ADCY2: variants seen among roughly 807,000 people sequenced by gnomAD.
The protein encoded by ADCY2 is adenylate cyclase type 2.
A neutral mutation model predicts 125.2 loss-of-function variants in ADCY2; 31 were observed. That is an observed-to-expected ratio of 0.25 (90% CI 0.19 to 0.33). The LOEUF (loss-of-function observed/expected upper bound fraction) is 0.33, where lower values mean the gene tolerates loss of function less well. Ranked by LOEUF, ADCY2 falls within the 10% of genes least tolerant of loss-of-function variation. ADCY2 has a pLI of 1.00. For synonymous variants in ADCY2, 512 were observed against 548.4 expected, an observed-to-expected ratio of 0.93 and a Z score of 0.93; for missense variants, 904 against 1,418.2, an observed-to-expected ratio of 0.64 and a Z score of 5.82.
At position 7,466,104 on chromosome 5, in the gene ADCY2, G is replaced by C. The variant is rs939481002; in HGVS notation, c.408+51334G>C. 2.6e-5 allele frequency among the ~76,000 whole-genome samples: 4 copies of C among 152,152 alleles called. No individual in the cohort carries two copies. In the South Asian group the frequency reaches 8.3e-4, roughly 32 times the overall value. On this transcript the variant is annotated intron_variant, in intron 2 of 24. Coordinates refer to ENST00000338316, the MANE Select transcript of ADCY2 (RefSeq NM_020546.3). ...GCCAGTAATGATTAAAACATTTTAAGATGAAATTCTTTATTACTGCTGCTA... is the reference window on the plus strand; with the variant it reads ...GCCAGTAATGATTAAAACATTTTAACATGAAATTCTTTATTACTGCTGCTA...
chr5:7,797,227 T>G (rs1216518955), intron 20 of ADCY2: 1 of 152,224 alleles, frequency 6.6e-6, no homozygotes, highest in African/African-American at 2.4e-5. Context: ...TAACTGACAG[T>G]TGGGGACACC....
At chr5:7,615,660 A>G (rs1737730555) in intron 3 of ADCY2, among the ~76,000 whole-genome samples, 1 of 152,200 alleles carries the variant, frequency 6.6e-6, no homozygotes, top group African/African-American at 2.4e-5. Context: ...CAAGGCACCC[A>G]GGGGCACTCC....
chr5:7,458,361 G>A (rs1440087778), intron 2 of ADCY2, among the ~76,000 whole-genome samples: 1 of 152,116 alleles, frequency 6.6e-6, no homozygotes, highest in Non-Finnish European at 1.5e-5. Context: ...GTATAATGAG[G>A]AAGCAATATT....
chr5:7,491,060 A>T (rs546104909), intron 2 of ADCY2, among the ~76,000 whole-genome samples: 309 of 152,340 alleles, frequency 2.0e-3, no homozygotes, highest in Non-Finnish European at 3.6e-3. Context: ...TAGATTAATT[A>T]TGTTACATGG....
At chr5:7,750,401 A>G (rs1742771296) in intron 15 of ADCY2, among the ~76,000 whole-genome samples, 1 of 152,176 alleles carries the variant, frequency 6.6e-6, no homozygotes, top group African/African-American at 2.4e-5. Context: ...CTCATCTTCC[A>G]TACTAGCATG....
intron 3 of ADCY2, among the ~76,000 whole-genome samples, chr5:7,546,962 T>A (rs1330077769): frequency 6.6e-6 from 1 of 152,170 alleles, no homozygotes. Context: ...CATAAACAAC[T>A]TTACATCATT....
At chr5:7,400,945 A>G (rs1281134214) in intron 1 of ADCY2, among the ~76,000 whole-genome samples, 1 of 152,252 alleles carries the variant, frequency 6.6e-6, no homozygotes, top group East Asian at 1.9e-4. Flanking sequence ...ATTGAAATGT[A>G]TGATTAAATA....
chr5:7,599,931 A>G (rs1737146246), intron 3 of ADCY2, among the ~76,000 whole-genome samples: 1 of 152,208 alleles, frequency 6.6e-6, no homozygotes, highest in South Asian at 2.1e-4. Flanking sequence ...CATCGTGCAT[A>G]TAAAGGAATC....
chr5:7,551,241 G>C (rs1735330042), intron 3 of ADCY2, among the ~76,000 whole-genome samples: 1 of 151,972 alleles, frequency 6.6e-6, no homozygotes, highest in Admixed American at 6.6e-5. Flanking sequence ...TCTTATTTGG[G>C]GTTGGGAGAT....
chr5:7,508,777 G>A (rs779617402), intron 2 of ADCY2, among the ~76,000 whole-genome samples: 3 of 152,136 alleles, frequency 2.0e-5, no homozygotes, highest in Admixed American at 6.5e-5. Flanking sequence ...TTAGGAAACC[G>A]AGGAAAATGC....
intron 14 of ADCY2, among the ~76,000 whole-genome samples, chr5:7,733,562 G>A (rs954002650): frequency 6.6e-6 from 1 of 152,088 alleles, no homozygotes; most frequent in African/African-American, 2.4e-5. Context: ...TACACATCAG[G>A]TGCTGGAGTT....
At chr5:7,444,692 T>G (rs1279231841) in intron 2 of ADCY2, among the ~76,000 whole-genome samples, 1 of 152,200 alleles carries the variant, frequency 6.6e-6, no homozygotes, top group Non-Finnish European at 1.5e-5. Context: ...GAGCATGATA[T>G]TGCTGGCTAT....
intron 2 of ADCY2, among the ~76,000 whole-genome samples, chr5:7,481,678 A>T (rs1306922650): frequency 6.6e-6 from 1 of 152,096 alleles, no homozygotes; most frequent in Non-Finnish European, 1.5e-5. Context: ...TCTCCAATAG[A>T]GTTGTTTGTT....
At chr5:7,530,089 A>C (rs985099289) in intron 3 of ADCY2, among the ~76,000 whole-genome samples, 1 of 152,134 alleles carries the variant, frequency 6.6e-6, no homozygotes, top group Admixed American at 6.5e-5. Flanking sequence ...TCAGTTTTCC[A>C]ATCTGTAAAA....
intron 2 of ADCY2, among the ~76,000 whole-genome samples, chr5:7,476,010 G>T (rs1742512176): frequency 6.6e-6 from 1 of 152,100 alleles, no homozygotes; most frequent in African/African-American, 2.4e-5. Context: ...CAACCCGTTG[G>T]TATTAATAAT....
At chr5:7,436,719 A>C (rs1301407502) in intron 2 of ADCY2, among the ~76,000 whole-genome samples, 1 of 152,252 alleles carries the variant, frequency 6.6e-6, no homozygotes, top group Non-Finnish European at 1.5e-5. Flanking sequence ...GTGACGCATC[A>C]TCGCGGCACT....
At chr5:7,529,044 C>T (rs1734559073) in intron 3 of ADCY2, among the ~76,000 whole-genome samples, 1 of 152,184 alleles carries the variant, frequency 6.6e-6, no homozygotes, top group Non-Finnish European at 1.5e-5. Context: ...TGTAGCTTGA[C>T]TTCAACAAGA....
rs1441497982 is a variant in ADCY2, at chr5:7,827,082, A to G, written c.*211A>G. 10 of 552,766 alleles carry G rather than the reference A, an allele frequency of 1.8e-5. No individual in the cohort carries two copies. Among genetic ancestry groups the G allele is most frequent in the Non-Finnish European group, 3.1e-5 (10 of 327,220 alleles). 34.2% of individuals were successfully genotyped at this position (552,766 alleles called of 1,614,324 possible). A position where few individuals can be genotyped will look rare whatever the true frequency, so the allele number is the denominator to read the frequency against. ...CTTGCACTGTGCTTGCTCCTAAGCA[A>G]AAGGGAAAAGGAGCGCGCGTGATAG... On this transcript the variant is annotated 3_prime_UTR_variant, in exon 25 of 25. Coordinates refer to ENST00000338316, the MANE Select transcript of ADCY2 (RefSeq NM_020546.3).
intron 4 of ADCY2, among the ~76,000 whole-genome samples, chr5:7,630,322 A>G (rs987170219): frequency 5.3e-5 from 8 of 152,196 alleles, no homozygotes; most frequent in Admixed American, 2.6e-4. Context: ...TAACGGCTTT[A>G]TTGAATGCAT....
Sources: gnomAD v4.1 joint callset for allele counts (sites outside exome capture counted in the v4.1 genomes callset) on GRCh38, gnomAD v4.1.1 for gene constraint, MANE v1.5 for transcripts, NCBI Gene and HGNC (gene_info 2026-07-23, HGNC 2026-07-21) for gene names.